The following PTPRN2 variants were observed in gnomAD, a reference collection of about 807,000 sequenced individuals.
PTPRN2 encodes receptor-type tyrosine-protein phosphatase N2.
In PTPRN2, 74 loss-of-function variants were observed where a neutral mutation model predicts 118.8. The ratio of observed to expected loss-of-function variants is 0.62; its 90% CI spans 0.52 to 0.76. PTPRN2 has a LOEUF of 0.76. Ranked by LOEUF, PTPRN2 falls within the 30% of genes least tolerant of loss-of-function variation. The pLI is 0.00. For missense variants in PTPRN2, 1,481 were observed against 1,394.4 expected (o/e 1.06, Z -0.99); for synonymous variants, 641 against 608.0 (o/e 1.05, Z -0.80).
Position 158,171,268 on chromosome 7 carries a change from CATATATACACACAT to C in PTPRN2, c.550-3991_550-3978del, listed in dbSNP as rs1227472461. Among the ~76,000 whole-genome samples the C allele has an allele frequency of 1.4e-3, 138 of 97,452 alleles. 20 individuals carry two copies. Among genetic ancestry groups the C allele is most frequent in the African/African-American group, 5.6e-3 (125 of 22,214 alleles). 63.9% of individuals were successfully genotyped at this position (97,452 alleles called of 152,430 possible). A position where few individuals can be genotyped will look rare whatever the true frequency, so the allele number is the denominator to read the frequency against. On this transcript the variant is annotated intron_variant, in intron 5 of 22. Transcript: ENST00000389418. ...ATATATACACACATATATATACACA[CATATATACACACAT>C]ATATATACACACATATATATACACA...
rs1169782993 is a variant in PTPRN2, at chr7:157,699,434, C to CT, written c.1789-16498dup. ...GGAAGCAGCCAGTTGCTTTTCTTTT[C>CT]TTTTTTTTCTTTTTACTGAGACGGA... On this transcript the variant is annotated intron_variant, in intron 12 of 22. Coordinates refer to ENST00000389418, the MANE Select transcript of PTPRN2 (RefSeq NM_002847.5). Among the ~76,000 whole-genome samples, 35 of 152,030 alleles carry CT rather than the reference C, an allele frequency of 2.3e-4. 1 individual carries two copies. Among genetic ancestry groups the CT allele is most frequent in the East Asian group, 1.9e-4 (1 of 5,170 alleles).
intron 9 of PTPRN2, among the ~76,000 whole-genome samples, chr7:158,111,910 T>G (rs1284761210): frequency 6.6e-6 from 1 of 152,204 alleles, no homozygotes; most frequent in Non-Finnish European, 1.5e-5. Context: ...GTCAATAGGG[T>G]GAACCCTAAG....
chr7:158,359,271 G>C (rs1808646321), intron 2 of PTPRN2, among the ~76,000 whole-genome samples: 1 of 152,228 alleles, frequency 6.6e-6, no homozygotes, highest in South Asian at 2.1e-4. Context: ...AAATGTCTTG[G>C]CTTCTGATTT....
At chr7:158,203,740 T>C (rs1292530441) in intron 4 of PTPRN2, among the ~76,000 whole-genome samples, 2 of 152,104 alleles carry the variant, frequency 1.3e-5, no homozygotes, top group African/African-American at 4.8e-5. Context: ...ACGCCCCCAG[T>C]GGAATTTAGA....
At chr7:158,410,252 C>T (rs1813932680) in intron 2 of PTPRN2, among the ~76,000 whole-genome samples, 1 of 152,160 alleles carries the variant, frequency 6.6e-6, no homozygotes, top group African/African-American at 2.4e-5. Flanking sequence ...GAGAGCCTCT[C>T]CCGACACCAA....
At chr7:157,935,547 C>T (rs1457005015) in intron 11 of PTPRN2, among the ~76,000 whole-genome samples, 4 of 152,240 alleles carry the variant, frequency 2.6e-5, no homozygotes, top group East Asian at 1.9e-4. Flanking sequence ...TTTCCCTTTA[C>T]GTTCTTGAAC....
At chr7:158,016,452 G>A (rs1338666054) in intron 11 of PTPRN2, among the ~76,000 whole-genome samples, 1 of 152,232 alleles carries the variant, frequency 6.6e-6, no homozygotes, top group Non-Finnish European at 1.5e-5. Flanking sequence ...TGTCCGAGGC[G>A]CGGAGCCCAG....
intron 21 of PTPRN2, among the ~76,000 whole-genome samples, chr7:157,567,368 T>C (rs1159920364): frequency 6.6e-6 from 1 of 152,178 alleles, no homozygotes; most frequent in Non-Finnish European, 1.5e-5. Flanking sequence ...ACTGATTTCA[T>C]TTCTCCCCAG....
intron 12 of PTPRN2, among the ~76,000 whole-genome samples, chr7:157,793,048 T>A (rs1804619025): frequency 6.6e-6 from 1 of 152,146 alleles, no homozygotes. Context: ...TAAGGCTTTT[T>A]TTCAGAATTA....
At chr7:157,687,641 G>A (rs1411645420) in intron 12 of PTPRN2, among the ~76,000 whole-genome samples, 1 of 152,134 alleles carries the variant, frequency 6.6e-6, no homozygotes, top group Non-Finnish European at 1.5e-5. Context: ...GACCATTAAT[G>A]AGTTGCTGTA....
chr7:158,440,858 T>TG (rs1037313970), intron 2 of PTPRN2, among the ~76,000 whole-genome samples: 1 of 92,894 alleles, frequency 1.1e-5, no homozygotes, highest in Non-Finnish European at 2.1e-5. Context: ...GGGGTGGTGG[T>TG]GGGGGCAGTG....
intron 2 of PTPRN2, among the ~76,000 whole-genome samples, chr7:158,446,332 A>G (rs1817724053): frequency 2.0e-5 from 3 of 152,270 alleles, no homozygotes; most frequent in Admixed American, 2.0e-4. Context: ...ACTTTCAACT[A>G]TATTTTAATG....
At chr7:158,087,142 A>T (rs1813486228) in intron 10 of PTPRN2, among the ~76,000 whole-genome samples, 1 of 152,174 alleles carries the variant, frequency 6.6e-6, no homozygotes, top group Non-Finnish European at 1.5e-5. Flanking sequence ...CTCAGTCAGG[A>T]GGGGTCTGCT....
chr7:158,586,487 C>T (rs898048221), intron 1 of PTPRN2, among the ~76,000 whole-genome samples: 1 of 152,196 alleles, frequency 6.6e-6, no homozygotes, highest in Non-Finnish European at 1.5e-5. Flanking sequence ...TTCTGCACCC[C>T]GTGGACACCG....
intron 6 of PTPRN2, among the ~76,000 whole-genome samples, chr7:158,148,012 C>T (rs1820379259): frequency 8.5e-5 from 2 of 23,578 alleles, no homozygotes; most frequent in Non-Finnish European, 9.3e-5. Context: ...GTGTCTTTCC[C>T]CCTCAATGAC....
At chr7:158,238,774 C>T (rs777921333) in intron 3 of PTPRN2, among the ~76,000 whole-genome samples, 2 of 152,126 alleles carry the variant, frequency 1.3e-5, no homozygotes, top group Non-Finnish European at 2.9e-5. Flanking sequence ...AGGGGCAGAC[C>T]AGGTCCTGGT....
intron 6 of PTPRN2, among the ~76,000 whole-genome samples, chr7:158,152,025 T>A (rs1417211505): frequency 3.3e-5 from 5 of 151,150 alleles, no homozygotes; most frequent in Non-Finnish European, 7.4e-5. Flanking sequence ...TACAAAAAAA[T>A]TAGCCGGGCG....
At chr7:158,231,062 T>C (rs1829133459) in intron 3 of PTPRN2, among the ~76,000 whole-genome samples, 1 of 151,592 alleles carries the variant, frequency 6.6e-6, no homozygotes, top group Non-Finnish European at 1.5e-5. Flanking sequence ...TGTCTGGGAG[T>C]TCAAGGCCAG....
rs1262012016 is a variant in PTPRN2 at position 158,352,334 on chromosome 7, ACCGCTCCCCTCCTGT to A, written c.164-35417_164-35403del. On this transcript the variant is annotated intron_variant, in intron 2 of 22. Transcript: ENST00000389418. ...CCCCTCCCTGCCAGCTACCCTCCTG[ACCGCTCCCCTCCTGT>A]CCGCTCCCCTCCTGACCACTCCCCT... is the stretch of plus-strand genomic sequence containing the variant. 1.8e-3 allele frequency among the ~76,000 whole-genome samples: 9 copies of A among 4,902 alleles called. 1 individual carries two copies. The highest frequency in any genetic ancestry group is 2.4e-3 in the African/African-American group (7 of 2,912). The allele number at this position is 4,902 out of a possible 152,430, so 3.2% of individuals were successfully genotyped here.
Sources: gnomAD v4.1 joint callset for allele counts (sites outside exome capture counted in the v4.1 genomes callset) on GRCh38, gnomAD v4.1.1 for gene constraint, MANE v1.5 for transcripts, NCBI Gene and HGNC (gene_info 2026-07-23, HGNC 2026-07-21) for gene names.